Variants in MAP3K3 observed in about 807,000 individuals in gnomAD.
The protein encoded by MAP3K3 is MAP/ERK kinase kinase 3.
In MAP3K3, 12 loss-of-function variants were observed where a neutral mutation model predicts 80.9. The observed-to-expected ratio is 0.15, with a 90% CI of 0.10 to 0.24. The LOEUF (loss-of-function observed/expected upper bound fraction) is 0.24, where lower values mean the gene tolerates loss of function less well. Ranked by LOEUF, MAP3K3 falls within the 10% of genes least tolerant of loss-of-function variation. MAP3K3 has a pLI of 1.00. For missense variants in MAP3K3, 596 were observed against 834.7 expected, an observed-to-expected ratio of 0.71 and a Z score of 3.52; for synonymous variants, 272 against 307.1, an observed-to-expected ratio of 0.89 and a Z score of 1.19.
chr17:63,629,057 C>G (rs1460560691), intron 1 of MAP3K3, among the ~76,000 whole-genome samples: 1 of 151,892 alleles, frequency 6.6e-6, no homozygotes, highest in African/African-American at 2.4e-5. Context: ...TGCTCAGGGC[C>G]TCCTTACCAA....
intron 2 of MAP3K3, among the ~76,000 whole-genome samples, chr17:63,642,853 G>C (rs1433311890): frequency 6.6e-6 from 1 of 151,820 alleles, no homozygotes; most frequent in African/African-American, 2.4e-5. Context: ...AGCCCCCCGG[G>C]CTCAAGCAAT....
In MAP3K3 at chr17:63,694,094, A is replaced by G. The variant is rs147562286; in HGVS notation, c.*317A>G. 18 of 284,516 alleles carry G rather than the reference A, an allele frequency of 6.3e-5. No homozygotes were observed. The South Asian group carries it at 6.5e-4, about 10-fold the overall frequency. 17.6% of individuals were successfully genotyped at this position (284,516 alleles called of 1,614,324 possible). On this transcript the variant is annotated 3_prime_UTR_variant, in exon 16 of 16. Coordinates refer to ENST00000361733, the MANE Select transcript of MAP3K3 (RefSeq NM_002401.5). ...CTCGGGGATGTGTCCTGACACTGCA[A>G]TTGGCACCGAAGCCCAGAGGGTCTG...
intron 5 of MAP3K3, among the ~76,000 whole-genome samples, chr17:63,666,621 G>T (rs966211865): frequency 1.3e-5 from 2 of 152,178 alleles, no homozygotes; most frequent in African/African-American, 4.8e-5. Flanking sequence ...TTATGAGAGG[G>T]TATTTACAGC....
At chr17:63,662,876 G>A (rs1407007210) in intron 5 of MAP3K3, among the ~76,000 whole-genome samples, 6 of 151,558 alleles carry the variant, frequency 4.0e-5, no homozygotes, top group Non-Finnish European at 8.8e-5. Context: ...TCCTCACCAT[G>A]TTGGCCGGGC....
chr17:63,679,513 C>T (rs7216994), intron 6 of MAP3K3, among the ~76,000 whole-genome samples: 4,874 of 152,260 alleles, frequency 0.032, 156 homozygotes, highest in African/African-American at 0.081. Context: ...GACAGGGTCG[C>T]ACTCTATCAC....
In MAP3K3 at chr17:63,691,691, C is replaced by T. The variant is rs1316969378; in HGVS notation, c.1345-42C>T. The T allele has an allele frequency of 2.5e-6, 4 of 1,595,446 alleles. No homozygotes were observed. The South Asian group carries it at 4.4e-5, about 18-fold the overall frequency. On this transcript the variant is annotated intron_variant, in intron 13 of 15. Transcript: ENST00000361733. The surrounding 1 kb of genome is among the most constrained non-coding windows in gnomAD (Gnocchi z 4.8). ...TGGAATGGGCTTGCCCCTCCACCAG[C>T]CCTCCCCTGAGGGGACTCCTCTGAC...
chr17:63,636,810 G>C (rs1247064570), intron 2 of MAP3K3: 1 of 336,320 alleles, frequency 3.0e-6, no homozygotes, highest in African/African-American at 2.2e-5. Flanking sequence ...GGCTGAGGTG[G>C]TATGTGGAGA....
At chr17:63,626,392 T>C (rs913388582) in intron 1 of MAP3K3, among the ~76,000 whole-genome samples, 10 of 152,224 alleles carry the variant, frequency 6.6e-5, no homozygotes, top group African/African-American at 2.4e-4. Flanking sequence ...CGTTTTGGTA[T>C]TGACACATGT....
In MAP3K3 at chr17:63,633,632, A is replaced by G. The variant is rs116903002; in HGVS notation, c.126+830A>G. ...ATGCTTCTTTAGGAAAACATTGCCTATTTTCCTTAACATTTAAACTTGTGT... is the reference window on the plus strand; with the variant it reads ...ATGCTTCTTTAGGAAAACATTGCCTGTTTTCCTTAACATTTAAACTTGTGT... On this transcript the variant is annotated intron_variant, in intron 2 of 15. Coordinates refer to ENST00000361733, the MANE Select transcript of MAP3K3 (RefSeq NM_002401.5). Among the ~76,000 whole-genome samples the G allele has an allele frequency of 5.5e-4, 84 of 152,218 alleles. 1 individual carries two copies. The East Asian group carries it at 0.015, about 28-fold the overall frequency.
chr17:63,641,549 T>G (rs2034444019), intron 2 of MAP3K3, among the ~76,000 whole-genome samples: 1 of 151,902 alleles, frequency 6.6e-6, no homozygotes, highest in South Asian at 2.1e-4. Flanking sequence ...TGCAGTTAGG[T>G]TTAATGGCAA....
chr17:63,683,829 T>A (rs1332190492), intron 7 of MAP3K3, among the ~76,000 whole-genome samples: 1 of 152,196 alleles, frequency 6.6e-6, no homozygotes, highest in African/African-American at 2.4e-5. Flanking sequence ...CAAAGCATGA[T>A]TCATGTTAAT....
In MAP3K3 at chr17:63,692,199, C is replaced by T. The variant is rs1038221019; in HGVS notation, c.1475-43C>T. On this transcript the variant is annotated intron_variant, in intron 14 of 15. Transcript: ENST00000361733. This position sits in a 1 kb window ranked among gnomAD's most constrained non-coding sequence, Gnocchi z 4.5. Reference sequence around the variant, plus strand: ...GGGGTGGGGAGGATGGGAGAAAATGCAAGAGGGTCCAGGGTTGCAGCCTCT... The same window carrying T: ...GGGGTGGGGAGGATGGGAGAAAATGTAAGAGGGTCCAGGGTTGCAGCCTCT... 4.4e-6 allele frequency: 7 copies of T among 1,607,822 alleles called. No homozygotes were observed. Among genetic ancestry groups the T allele is most frequent in the African/African-American group, 1.3e-5 (1 of 74,442 alleles).
chr17:63,678,006 G>T (rs977798409), intron 6 of MAP3K3, among the ~76,000 whole-genome samples: 9 of 152,310 alleles, frequency 5.9e-5, no homozygotes, highest in South Asian at 4.1e-4. Context: ...TCAAGGAGAA[G>T]TTATGTCTTG....
intron 7 of MAP3K3, among the ~76,000 whole-genome samples, chr17:63,683,695 A>G (rs879327145): frequency 6.6e-6 from 1 of 152,232 alleles, no homozygotes; most frequent in Non-Finnish European, 1.5e-5. Context: ...CGAACACTGC[A>G]TAGTATGTAA....
rs757878659 is a variant in MAP3K3 at position 63,632,796 on chromosome 17, T to C, written c.120T>C (p.Asn40=). 8.1e-6 allele frequency: 13 copies of C among 1,613,950 alleles called. No homozygotes were observed. The Admixed American group carries it at 2.0e-4, about 25-fold the overall frequency. Residue 40 remains asparagine (N), a synonymous_variant, in exon 2 of 16, where the codon AAT becomes AAC. Transcript: ENST00000361733. The stretch of plus-strand genomic sequence containing the variant: ...AGAACAAAGACACAGGTCACTCAAA[T>C]AGGCAGGTGTGTGTGACCCTGGCAG... ...TMKNKDTGHS[N]RQSDVRIKFE...
At chr17:63,663,788 A>T (rs1206384389) in intron 5 of MAP3K3, among the ~76,000 whole-genome samples, 1 of 152,210 alleles carries the variant, frequency 6.6e-6, no homozygotes, top group Non-Finnish European at 1.5e-5. Flanking sequence ...CCTACCTGGG[A>T]GGCTGAGGCG....
chr17:63,665,398 C>T (rs1598096410), intron 5 of MAP3K3, among the ~76,000 whole-genome samples: 1 of 152,162 alleles, frequency 6.6e-6, no homozygotes, highest in East Asian at 2.0e-4. Context: ...ATCTCCTGAC[C>T]TCATGATCCG....
chr17:63,668,620 GC>G (rs1353520386), intron 6 of MAP3K3, among the ~76,000 whole-genome samples: 2 of 152,188 alleles, frequency 1.3e-5, no homozygotes, highest in Admixed American at 6.5e-5. Flanking sequence ...CCAAGCAAGA[GC>G]CTATGATATG....
chr17:63,683,252 C>G (rs180917609), intron 7 of MAP3K3, among the ~76,000 whole-genome samples: 1 of 152,202 alleles, frequency 6.6e-6, no homozygotes, highest in African/African-American at 2.4e-5. Context: ...TACTCTTCTT[C>G]CTTCTATACT....
Sources: allele counts gnomAD v4.1 joint callset (sites outside exome capture counted in the v4.1 genomes callset), GRCh38; gene constraint gnomAD v4.1.1; non-coding constraint Gnocchi (gnomAD v3.1); transcripts MANE v1.5; gene names NCBI Gene and HGNC (gene_info 2026-07-23, HGNC 2026-07-21).